AGAP1: variants seen among roughly 807,000 people sequenced by gnomAD.
The protein encoded by AGAP1 is ArfGAP with GTPase domain, ankyrin repeat and PH domain 1.
Under a neutral mutation model 105.3 loss-of-function variants are expected in AGAP1, and 29 were observed. That is an observed-to-expected ratio of 0.28 (90% CI 0.21 to 0.38). The LOEUF is 0.38. Among genes scored for constraint, AGAP1 ranks in the 10% least tolerant of loss-of-function variants. AGAP1 has a pLI of 1.00. For synonymous variants in AGAP1, 509 were observed against 485.9 expected, an observed-to-expected ratio of 1.05 and a Z score of -0.63; for missense variants, 998 against 1,165.1, an observed-to-expected ratio of 0.86 and a Z score of 2.09.
chr2:235,638,122 C>T (rs114653394), intron 1 of AGAP1, among the ~76,000 whole-genome samples: 2,858 of 152,274 alleles, frequency 0.019, 84 homozygotes, highest in African/African-American at 0.064. Context: ...CAAACTGACA[C>T]GTAACATTAA....
rs770024876 is a variant in AGAP1, at chr2:236,002,603, G to T, written c.1646-33958G>T. ...CTTCATGCATTCCTGTTCATTGGCG[G>T]TCTTTGGCCTTTGAGAGTGGAACTC... On this transcript the variant is annotated intron_variant, in intron 13 of 17. Coordinates refer to ENST00000304032, the MANE Select transcript of AGAP1 (RefSeq NM_001037131.3). The surrounding 1 kb of genome is among the most constrained non-coding windows in gnomAD (Gnocchi z 4.3). 2.0e-5 allele frequency among the ~76,000 whole-genome samples: 3 copies of T among 152,138 alleles called. No homozygotes were observed. Among genetic ancestry groups the T allele is most frequent in the Non-Finnish European group, 2.9e-5 (2 of 68,028 alleles).
chr2:236,057,148 G>A lies in AGAP1; in HGVS notation c.2114+7867G>A, dbSNP rs140925010. On this transcript the variant is annotated intron_variant, in intron 16 of 17. Coordinates refer to ENST00000304032, the MANE Select transcript of AGAP1 (RefSeq NM_001037131.3). ...TTTTTTGGTGGCGTCTCTCTCTGTCGCCCAGGCTAGAGTGCAGTGGTGCAA... is the reference window on the plus strand; with the variant it reads ...TTTTTTGGTGGCGTCTCTCTCTGTCACCCAGGCTAGAGTGCAGTGGTGCAA... Among the ~76,000 whole-genome samples, 1,138 of 152,096 alleles carry A rather than the reference G, an allele frequency of 7.5e-3. 12 individuals carry two copies. Among genetic ancestry groups the A allele is most frequent in the African/African-American group, 0.025 (1,042 of 41,488 alleles).
At chr2:236,098,985 G>A (rs1276818281) in intron 16 of AGAP1, among the ~76,000 whole-genome samples, 1 of 151,910 alleles carries the variant, frequency 6.6e-6, no homozygotes, top group African/African-American at 2.4e-5. Context: ...ACTTCCTAGA[G>A]ATGTAAGGAC....
At position 235,721,477 on chromosome 2, in the gene AGAP1, A is replaced by ATG. The variant is rs57069910; in HGVS notation, c.310+3859_310+3860dup. Among the ~76,000 whole-genome samples the ATG allele has an allele frequency of 0.43, 63,917 of 149,584 alleles. 13,656 individuals are homozygous for ATG. The highest frequency in any genetic ancestry group is 0.57 in the East Asian group (2,895 of 5,046). Reference sequence around the variant, plus strand: ...TTGGATTGACAGATTCCTTAATATTATGTGTGTGTGTGTGTGTGTGTGTGT... The same window carrying ATG: ...TTGGATTGACAGATTCCTTAATATTATGTGTGTGTGTGTGTGTGTGTGTGTGT... On this transcript the variant is annotated intron_variant, in intron 3 of 17. Coordinates refer to ENST00000304032, the MANE Select transcript of AGAP1 (RefSeq NM_001037131.3). The surrounding 1 kb of genome is among the most constrained non-coding windows in gnomAD (Gnocchi z 4.5).
In AGAP1 at chr2:235,930,783, C is replaced by A; in HGVS notation, c.1343C>A (p.Ser448Tyr). 1 of 1,614,014 alleles carries A rather than the reference C, an allele frequency of 6.2e-7. No homozygotes were observed. Among genetic ancestry groups the A allele is most frequent in the Non-Finnish European group, 8.5e-7 (1 of 1,180,002 alleles). ...SPNSGNVTSA[S>Y]GSQMASGISL... ...TTCCTAGGGAATGTCACTAGTGCAT[C>A]TGGGTCTCAGATGGCAAGCGGCATC... The change falls in exon 12 of 18, where the codon TCT becomes TAT. Residue 448 changes from serine (S) to tyrosine (Y), a missense_variant. Physicochemically the swap from Ser to Tyr is moderately radical, Grantham distance 144. This residue lies in a region of AGAP1 where 735 missense variants were observed against 833.4 expected (regional missense o/e 0.88). Coordinates refer to ENST00000304032, the MANE Select transcript of AGAP1 (RefSeq NM_001037131.3). This position sits in a 1 kb window ranked among gnomAD's most constrained non-coding sequence, Gnocchi z 7.9.
chr2:235,763,598 A>G (rs1032385022), intron 6 of AGAP1, among the ~76,000 whole-genome samples: 1 of 152,154 alleles, frequency 6.6e-6, no homozygotes, highest in African/African-American at 2.4e-5. Context: ...ATCCTTCAGA[A>G]TGTTAAGGCT....
intron 1 of AGAP1, among the ~76,000 whole-genome samples, chr2:235,696,696 T>C (rs1360375218): frequency 1.3e-5 from 2 of 152,170 alleles, no homozygotes; most frequent in Non-Finnish European, 2.9e-5. Flanking sequence ...TCGCTGCCCC[T>C]TTCCCATGCA....
chr2:235,955,618 C>T (rs551788414), intron 12 of AGAP1, among the ~76,000 whole-genome samples: 2 of 152,264 alleles, frequency 1.3e-5, no homozygotes, highest in African/African-American at 4.8e-5. Context: ...AGAAAAGAAT[C>T]CTATTACTTA....
At chr2:235,826,481 G>A (rs763188599) in intron 9 of AGAP1, among the ~76,000 whole-genome samples, 24 of 150,782 alleles carry the variant, frequency 1.6e-4, no homozygotes, top group Non-Finnish European at 3.1e-4. Context: ...GAGTCTTGCT[G>A]CTCTGTCACC....
chr2:235,503,591 A>G (rs1036707522), intron 1 of AGAP1, among the ~76,000 whole-genome samples: 1 of 150,410 alleles, frequency 6.6e-6, no homozygotes, highest in Non-Finnish European at 1.5e-5. Flanking sequence ...GGAACTTGTT[A>G]GTATTTATTT....
At position 235,700,427 on chromosome 2, in the gene AGAP1, C is replaced by T. The variant is rs904175555; in HGVS notation, c.164-8752C>T. On this transcript the variant is annotated intron_variant, in intron 1 of 17. Coordinates refer to ENST00000304032, the MANE Select transcript of AGAP1 (RefSeq NM_001037131.3). The surrounding 1 kb of genome is among the most constrained non-coding windows in gnomAD (Gnocchi z 6.1). ...CTTTAAGCAGTGCTTTACACACCCA[C>T]GACAAGGGCGTTCTTGGGGAACACC... Among the ~76,000 whole-genome samples the T allele has an allele frequency of 7.9e-5, 12 of 152,160 alleles. No homozygotes were observed. The highest frequency in any genetic ancestry group is 2.2e-4 in the African/African-American group (9 of 41,418).
intron 9 of AGAP1, among the ~76,000 whole-genome samples, chr2:235,815,138 T>C (rs1958378051): frequency 6.6e-6 from 1 of 152,164 alleles, no homozygotes; most frequent in South Asian, 2.1e-4. Context: ...ACATTAAGGC[T>C]TGGGGAGACA....
chr2:235,903,932 A>G (rs1402972599), intron 10 of AGAP1, among the ~76,000 whole-genome samples: 2 of 152,118 alleles, frequency 1.3e-5, no homozygotes, highest in African/African-American at 4.8e-5. Context: ...ACACCGAGAT[A>G]CTAATGACTC....
chr2:235,542,419 C>T (rs1365654078), intron 1 of AGAP1, among the ~76,000 whole-genome samples: 8 of 152,180 alleles, frequency 5.3e-5, no homozygotes, highest in Admixed American at 3.9e-4. Context: ...CTTCAGACAG[C>T]GCCATCTCTA....
At chr2:235,589,202 T>TG (rs1305473100) in intron 1 of AGAP1, among the ~76,000 whole-genome samples, 15 of 104,580 alleles carry the variant, frequency 1.4e-4, no homozygotes, top group East Asian at 6.1e-4. Context: ...TTGTTTTTTT[T>TG]TTTTTTTTTT....
intron 15 of AGAP1, among the ~76,000 whole-genome samples, chr2:236,043,413 C>A (rs1337646605): frequency 6.6e-6 from 1 of 152,166 alleles, no homozygotes; most frequent in Non-Finnish European, 1.5e-5. Flanking sequence ...GTCTTTGCTA[C>A]CTTTAAAAAT....
chr2:235,961,460 C>T lies in AGAP1; in HGVS notation c.1484-7002C>T, dbSNP rs1029580639. On this transcript the variant is annotated intron_variant, in intron 12 of 17. Coordinates refer to ENST00000304032, the MANE Select transcript of AGAP1 (RefSeq NM_001037131.3). The surrounding 1 kb of genome is among the most constrained non-coding windows in gnomAD (Gnocchi z 5.9). ...GGTGCCGCCGGCCCCAGCAAGGACA[C>T]ACCAGTGGTTGGTGGGATGTGAGCG... is the stretch of plus-strand genomic sequence containing the variant. Among the ~76,000 whole-genome samples the T allele has an allele frequency of 6.6e-6, 1 of 152,226 alleles. No homozygotes were observed.
At chr2:235,828,160 A>G (rs867373662) in intron 9 of AGAP1, among the ~76,000 whole-genome samples, 6 of 152,234 alleles carry the variant, frequency 3.9e-5, no homozygotes, top group African/African-American at 1.2e-4. Flanking sequence ...AAATTCGAGT[A>G]TCTTTCTTGG....
intron 10 of AGAP1, among the ~76,000 whole-genome samples, chr2:235,890,382 C>T (rs1447448609): frequency 6.6e-6 from 1 of 152,050 alleles, no homozygotes; most frequent in African/African-American, 2.4e-5. Flanking sequence ...AAACTCCTGA[C>T]CTCAAGTGAT....
Sources: allele counts gnomAD v4.1 joint callset (sites outside exome capture counted in the v4.1 genomes callset), GRCh38; gene constraint gnomAD v4.1.1; regional missense constraint gnomAD v4.1.1; non-coding constraint Gnocchi (gnomAD v3.1); transcripts MANE v1.5; gene names NCBI Gene and HGNC (gene_info 2026-07-23, HGNC 2026-07-21).